Variants in CNTROB observed in about 807,000 individuals in gnomAD.
The protein encoded by CNTROB is centrobin, centriole duplication and spindle assembly protein, also known as centrobin.
Under a neutral mutation model 115.7 loss-of-function variants are expected in CNTROB, and 82 were observed. That is an observed-to-expected ratio of 0.71 (90% CI 0.59 to 0.85). The LOEUF (loss-of-function observed/expected upper bound fraction) is 0.85. Among genes scored for constraint, CNTROB ranks in the 40% least tolerant of loss-of-function variants. The probability of loss-of-function intolerance (pLI) is 0.00; values close to 1 mark genes in which losing one functional copy is unlikely to be tolerated. For synonymous variants in CNTROB, 439 were observed against 456.4 expected (o/e 0.96, Z 0.49); for missense variants, 1,014 against 1,144.4 (o/e 0.89, Z 1.64).
rs1410260469 is a variant in CNTROB at position 7,934,999 on chromosome 17, CTGCAAGACT to C, written c.451_459del (p.Gln151_Leu153del). ...ACCTGATTTGCTCAGCACCCGGCCC[CTGCAAGACT>C]TGTCTCCATCTAGCTCAGCCCAAGC... On this transcript the variant is annotated inframe_deletion, in exon 4 of 19. Coordinates refer to ENST00000563694, the MANE Select transcript of CNTROB (RefSeq NM_053051.5). The C allele has an allele frequency of 1.9e-6, 3 of 1,600,480 alleles. No homozygotes were observed. Among genetic ancestry groups the C allele is most frequent in the Non-Finnish European group, 2.6e-6 (3 of 1,172,452 alleles).
intron 13 of CNTROB, among the ~76,000 whole-genome samples, chr17:7,947,160 C>CA (rs796605627): frequency 0.014 from 835 of 58,392 alleles, 7 homozygotes; most frequent in African/African-American, 0.035. Flanking sequence ...GACTCCATCT[C>CA]AAAAAAAAAA....
At chr17:7,947,524 C>T (rs375164097) in intron 13 of CNTROB, 47 bp from the exon 14 acceptor site, 9 of 1,506,606 alleles carry the variant, frequency 6.0e-6, no homozygotes, top group South Asian at 1.3e-5. Flanking sequence ...GAAGCCCCTT[C>T]CCCCCTGAAC....
chr17:7,942,787 ATTTTTTTTTTTTTTTTTT>A (rs71159534), intron 9 of CNTROB, among the ~76,000 whole-genome samples: 13 of 35,786 alleles, frequency 3.6e-4, no homozygotes, highest in African/African-American at 7.2e-4. Flanking sequence ...TACTCAGGGT[ATTTTTTTTTTTTTTTTTT>A]TTTTTTTTTT....
chr17:7,943,517 C>T lies in CNTROB; in HGVS notation c.1438C>T (p.His480Tyr). ...ACGGCAAGCAGCCTCCCTCAGGGAA[C>T]ATCACAGGTACGTGGGACTCACTGG... ...SLRQAASLRE[H>Y]HRKQLQDLSG... Residue 480 changes from histidine (H) to tyrosine (Y), a missense_variant, in exon 10 of 19, where the codon CAT becomes TAT. Physicochemically the swap from His to Tyr is moderately conservative, Grantham distance 83. Coordinates refer to ENST00000563694, the MANE Select transcript of CNTROB (RefSeq NM_053051.5). The surrounding 1 kb of genome is among the most constrained non-coding windows in gnomAD (Gnocchi z 4.7). The T allele has an allele frequency of 6.2e-7, 1 of 1,612,286 alleles. No individual in the cohort carries two copies. Among genetic ancestry groups the T allele is most frequent in the African/African-American group, 1.3e-5 (1 of 75,050 alleles).
chr17:7,935,195 G>C (rs1391806798), intron 4 of CNTROB, 50 bp downstream of exon 4: 1 of 1,610,564 alleles, frequency 6.2e-7, no homozygotes, highest in African/African-American at 1.3e-5. Context: ...AGAAAGAGGG[G>C]ACCCAAGTGT....
At position 7,949,823 on chromosome 17, in the gene CNTROB, A is replaced by C. The variant is rs1448586716; in HGVS notation, c.*313A>C. ...ATGAACTCTGGGTGGTAGTGGAATT[A>C]TGGGTGATTCTTAGTTTTTTAATAC... is the stretch of plus-strand genomic sequence containing the variant. On this transcript the variant is annotated 3_prime_UTR_variant, in exon 19 of 19. Transcript: ENST00000563694. 3 of 262,222 alleles carry C rather than the reference A, an allele frequency of 1.1e-5. No individual in the cohort carries two copies. The highest frequency in any genetic ancestry group is 2.1e-5 in the Non-Finnish European group (3 of 140,788). 16.2% of individuals were successfully genotyped at this position (262,222 alleles called of 1,614,324 possible).
chr17:7,948,060 C>G lies in CNTROB; in HGVS notation c.2209+81C>G. ...GTTATCTAGGATGAATTTTTAGGAG[C>G]TGGCAAAAGTAATAAAGCCTTATAA... is the stretch of plus-strand genomic sequence containing the variant. On this transcript the variant is annotated intron_variant, in intron 15 of 18. Coordinates refer to ENST00000563694, the MANE Select transcript of CNTROB (RefSeq NM_053051.5). This position sits in a 1 kb window ranked among gnomAD's most constrained non-coding sequence, Gnocchi z 4.4. 2 of 1,595,550 alleles carry G rather than the reference C, an allele frequency of 1.3e-6. No individual in the cohort carries two copies. Among genetic ancestry groups the G allele is most frequent in the South Asian group, 1.1e-5 (1 of 90,626 alleles).
chr17:7,936,706 G>A lies in CNTROB; in HGVS notation c.717G>A (p.Leu239=), dbSNP rs1473686122. The A allele has an allele frequency of 7.1e-7, 1 of 1,413,228 alleles. No individual in the cohort carries two copies. The highest frequency in any genetic ancestry group is 1.0e-6 in the Non-Finnish European group (1 of 996,516). The allele number at this position is 1,413,228 out of a possible 1,614,324, so 87.5% of individuals were successfully genotyped here. A position where few individuals can be genotyped will look rare whatever the true frequency, so the allele number is the denominator to read the frequency against. The change falls in exon 6 of 19, where the codon CTG becomes CTA. Residue 239 remains leucine (L), a synonymous_variant. Transcript: ENST00000563694. ...DTMIEQLDKT[L]ARVVEGWNRH... is the part of the protein sequence containing the mutation. ...TCTTACTTGCCCTACCTAAGACCCT[G>A]GCCCGTGTGGTGGAGGGCTGGAACC...
Position 7,943,584 on chromosome 17 carries a change from G to A in CNTROB, c.1445+60G>A. ...CCACAGCACGTATCGTTAGTGCCAG[G>A]CCTGTGTTCCCTTCAATCCCTTTGC... On this transcript the variant is annotated intron_variant, in intron 10 of 18. Coordinates refer to ENST00000563694, the MANE Select transcript of CNTROB (RefSeq NM_053051.5). This position sits in a 1 kb window ranked among gnomAD's most constrained non-coding sequence, Gnocchi z 4.7. 6.5e-7 allele frequency: 1 copy of A among 1,547,702 alleles called. No individual in the cohort carries two copies. The highest frequency in any genetic ancestry group is 8.8e-7 in the Non-Finnish European group (1 of 1,137,442).
rs749189728 is a variant in CNTROB at position 7,933,116 on chromosome 17, G to A, written c.37G>A (p.Gly13Arg). 9 of 1,614,034 alleles carry A rather than the reference G, an allele frequency of 5.6e-6. No homozygotes were observed. The highest frequency in any genetic ancestry group is 1.1e-5 in the South Asian group (1 of 91,088). Residue 13 changes from glycine (G) to arginine (R), a missense_variant, in exon 1 of 19, where the codon GGG (glycine) becomes AGG (arginine). Physicochemically the swap from Gly to Arg is moderately radical, Grantham distance 125. Transcript: ENST00000563694. ...TSADSPSSPL[G>R]AEDLLSDSSE... ...AGCTGACAGCCCCAGTTCACCCCTC[G>A]GGGCGGAGGATCTCCTGAGTGATTC... is the stretch of plus-strand genomic sequence containing the variant.
At chr17:7,947,311 T>G (rs1974665089) in intron 13 of CNTROB, among the ~76,000 whole-genome samples, 1 of 152,126 alleles carries the variant, frequency 6.6e-6, no homozygotes, top group South Asian at 2.1e-4. Context: ...GTGAGGGTAT[T>G]TATTTGTTTA....
At chr17:7,933,829 C>A (rs887809212) in intron 1 of CNTROB, among the ~76,000 whole-genome samples, 11 of 152,192 alleles carry the variant, frequency 7.2e-5, no homozygotes, top group African/African-American at 2.7e-4. Flanking sequence ...GTGTCAGAGT[C>A]AATTTGCAGA....
chr17:7,945,531 T>C (rs1974424817), intron 12 of CNTROB, 197 bp from the exon 13 acceptor site: 1 of 576,302 alleles, frequency 1.7e-6, no homozygotes, highest in Non-Finnish European at 3.0e-6. Context: ...TTTAAATTTT[T>C]TGTAGAGATG....
Position 7,939,351 on chromosome 17 carries a change from C to G in CNTROB, c.928-162C>G, listed in dbSNP as rs1157361876. Among the ~76,000 whole-genome samples the G allele has an allele frequency of 6.6e-6, 1 of 152,170 alleles. No individual in the cohort carries two copies. The highest frequency in any genetic ancestry group is 6.5e-5 in the Admixed American group (1 of 15,274). ...TCAGGTAATCTGCCTGCCTTGGCCT[C>G]CCAAAATGCTGGGATTACAGGTGTG... On this transcript the variant is annotated intron_variant, in intron 7 of 18. Coordinates refer to ENST00000563694, the MANE Select transcript of CNTROB (RefSeq NM_053051.5). This position sits in a 1 kb window ranked among gnomAD's most constrained non-coding sequence, Gnocchi z 4.4.
At position 7,935,089 on chromosome 17, in the gene CNTROB, C is replaced by T. The variant is rs775636406; in HGVS notation, c.538C>T (p.Pro180Ser). The T allele has an allele frequency of 2.0e-5, 32 of 1,614,092 alleles. No homozygotes were observed. Reference protein sequence around the residue: ...TSLRPGPPLNPPDFQGLRDAL... With the variant: ...TSLRPGPPLNSPDFQGLRDAL... ...CCTTCGGCCAGGGCCTCCACTCAATCCCCCAGATTTTCAGGGGCTGAGAGA... is the reference window on the plus strand; with the variant it reads ...CCTTCGGCCAGGGCCTCCACTCAATTCCCCAGATTTTCAGGGGCTGAGAGA... Residue 180 changes from proline to serine, a missense_variant, in exon 4 of 19, where the codon CCC (proline) becomes TCC (serine). Physicochemically the swap from Pro to Ser is moderately conservative, Grantham distance 74 (BLOSUM62 -1). Transcript: ENST00000563694.
At position 7,933,581 on chromosome 17, in the gene CNTROB, C is replaced by T. The variant is rs570262167; in HGVS notation, c.270+232C>T. Reference sequence around the variant, plus strand: ...TTTTTTGTGAGAGACATCTCTGCTCCGAGTAGATAGAGCAAACCTATGGGG... The same window carrying T: ...TTTTTTGTGAGAGACATCTCTGCTCTGAGTAGATAGAGCAAACCTATGGGG... On this transcript the variant is annotated intron_variant, in intron 1 of 18. Coordinates refer to ENST00000563694, the MANE Select transcript of CNTROB (RefSeq NM_053051.5). Among the ~76,000 whole-genome samples, 71 of 152,216 alleles carry T rather than the reference C, an allele frequency of 4.7e-4. 1 individual carries two copies. The South Asian group carries it at 0.013, about 28-fold the overall frequency.
chr17:7,939,537 CTG>C lies in CNTROB; in HGVS notation c.953_954del (p.Leu318GlnfsTer26), dbSNP rs780226443. On this transcript the variant is annotated frameshift_variant, in exon 8 of 19. Transcript: ENST00000563694. LOFTEE classifies it high-confidence loss of function. The surrounding 1 kb of genome is among the most constrained non-coding windows in gnomAD (Gnocchi z 4.4). ...TLEEERQALTLRLEAEQQRCC... is the reference protein window; with the variant it reads ...TLEEERQALTXRLEAEQQRCC... ...GGAGGAGGAAAGGCAAGCTCTGACT[CTG>C]AGGTTGGAGGCAGAACAGCAGCGGT... The C allele has an allele frequency of 6.2e-7, 1 of 1,614,152 alleles. No homozygotes were observed. The highest frequency in any genetic ancestry group is 1.1e-5 in the South Asian group (1 of 91,086).
rs760425866 is a variant in CNTROB, at chr17:7,933,189, A to G, written c.110A>G (p.Gln37Arg). The part of the protein sequence containing the change: ...LNQVSSEVTS[Q>R]LYASLRLSRQ... Reference sequence around the variant, plus strand: ...CAAGTGTCGTCTGAAGTGACCTCCCAGCTCTATGCTTCTTTGCGCCTCAGC... The same window carrying G: ...CAAGTGTCGTCTGAAGTGACCTCCCGGCTCTATGCTTCTTTGCGCCTCAGC... The change falls in exon 1 of 19, where the codon CAG (glutamine) becomes CGG (arginine). Residue 37 changes from glutamine to arginine, a missense_variant. Gln to Arg is a conservative substitution (Grantham distance 43). Coordinates refer to ENST00000563694, the MANE Select transcript of CNTROB (RefSeq NM_053051.5). 6.2e-7 allele frequency: 1 copy of G among 1,614,190 alleles called. No individual in the cohort carries two copies. The highest frequency in any genetic ancestry group is 1.7e-5 in the Admixed American group (1 of 60,028).
rs1396726360 is a variant in CNTROB, at chr17:7,939,675, C to T, written c.1090C>T (p.Gln364Ter). ...ALEEERQTWA[Q>*]QEHQLKEHYQ... ...AGAAGAAGAACGGCAGACCTGGGCC[C>T]AGCAAGAGCACCAGCTTAAGGAACA... is the stretch of plus-strand genomic sequence containing the variant. The change falls in exon 8 of 19, where the codon CAG (glutamine) becomes TAG (stop). Residue 364 changes from glutamine (Q) to a stop codon, truncating the protein, a stop_gained. Coordinates refer to ENST00000563694, the MANE Select transcript of CNTROB (RefSeq NM_053051.5). LOFTEE classifies it high-confidence loss of function. This position sits in a 1 kb window ranked among gnomAD's most constrained non-coding sequence, Gnocchi z 4.4. 6.2e-7 allele frequency: 1 copy of T among 1,614,076 alleles called. No individual in the cohort carries two copies. The highest frequency in any genetic ancestry group is 1.7e-5 in the Admixed American group (1 of 60,014).
Sources: gnomAD v4.1 joint callset for allele counts (sites outside exome capture counted in the v4.1 genomes callset) on GRCh38, gnomAD v4.1.1 for gene constraint, Gnocchi (gnomAD v3.1) non-coding constraint, MANE v1.5 for transcripts, NCBI Gene and HGNC (gene_info 2026-07-23, HGNC 2026-07-21) for gene names.